GRB10: variants seen among roughly 807,000 people sequenced by gnomAD.
GRB10 encodes growth factor receptor bound protein 10.
A neutral mutation model predicts 80.9 loss-of-function variants in GRB10; 20 were observed. The ratio of observed to expected loss-of-function variants is 0.25; its 90% CI spans 0.17 to 0.36. The LOEUF (loss-of-function observed/expected upper bound fraction) is 0.36. Among genes scored for constraint, GRB10 ranks in the 10% least tolerant of loss-of-function variants. The pLI is 1.00. For synonymous variants in GRB10, 291 were observed against 291.5 expected, an observed-to-expected ratio of 1.00 and a Z score of 0.02; for missense variants, 548 against 747.7, an observed-to-expected ratio of 0.73 and a Z score of 3.12.
At chr7:50,735,939 G>A (rs1270853133) in intron 3 of GRB10, among the ~76,000 whole-genome samples, 2 of 152,104 alleles carry the variant, frequency 1.3e-5, no homozygotes, top group African/African-American at 4.8e-5. Context: ...GACCTGAACA[G>A]CCAAAACAAT....
At chr7:50,615,177 GAAA>G (rs2050362048) in intron 11 of GRB10, among the ~76,000 whole-genome samples, 1 of 152,176 alleles carries the variant, frequency 6.6e-6, no homozygotes, top group Non-Finnish European at 1.5e-5. Context: ...AAAAGCAGGA[GAAA>G]ATCTATAACC....
At chr7:50,624,955 T>C (rs967087860) in intron 8 of GRB10, among the ~76,000 whole-genome samples, 1 of 152,074 alleles carries the variant, frequency 6.6e-6, no homozygotes, top group Admixed American at 6.6e-5. Context: ...CATCGCCCAC[T>C]AGAATGTATT....
chr7:50,633,055 C>T lies in GRB10; in HGVS notation c.505-6077G>A, dbSNP rs149784630. Reference sequence around the variant, plus strand: ...CCCACATCAACAAAGGCCAAAAATTCCACTGCTATTATTGCAACTGCCTCT... The same window carrying T: ...CCCACATCAACAAAGGCCAAAAATTTCACTGCTATTATTGCAACTGCCTCT... On this transcript the variant is annotated intron_variant, in intron 7 of 18. Transcript: ENST00000401949. Among the ~76,000 whole-genome samples, 32 of 152,318 alleles carry T rather than the reference C, an allele frequency of 2.1e-4. 1 individual carries two copies. In the East Asian group the frequency reaches 5.6e-3, roughly 27 times the overall value.
intron 15 of GRB10, chr7:50,604,841 C>A: frequency 3.5e-6 from 1 of 286,604 alleles, no homozygotes; most frequent in Non-Finnish European, 6.6e-6. Flanking sequence ...ACTTAGAAGC[C>A]GAGTGATAGT....
At chr7:50,638,375 G>A (rs188241508) in intron 7 of GRB10, among the ~76,000 whole-genome samples, 117 of 152,148 alleles carry the variant, frequency 7.7e-4, no homozygotes, top group African/African-American at 2.6e-3. Context: ...AATCTAAAAC[G>A]AACTCAAACA....
At chr7:50,777,406 C>T (rs976075144) in intron 2 of GRB10, among the ~76,000 whole-genome samples, 29 of 143,642 alleles carry the variant, frequency 2.0e-4, no homozygotes, top group Non-Finnish European at 4.6e-5. Context: ...TTGGGTGATA[C>T]ATTCAGACCA....
intron 5 of GRB10, among the ~76,000 whole-genome samples, chr7:50,702,836 T>C (rs1202128095): frequency 1.3e-5 from 2 of 152,240 alleles, no homozygotes; most frequent in Non-Finnish European, 2.9e-5. Flanking sequence ...GTTCTTTCAG[T>C]GTAATTTTTT....
At position 50,626,875 on chromosome 7, in the gene GRB10, C is replaced by T; in HGVS notation, c.608G>A (p.Cys203Tyr). ...LCQLLVYKSH[C>Y]VDDNSWTLVE... is the part of the protein sequence containing the mutation. ...TAGTGTCCAGCTGTTGTCATCCACA[C>T]AGTGACTTTTGTAAACCAGCAATTG... The change falls in exon 8 of 19, where the codon TGT (cysteine) becomes TAT (tyrosine). Residue 203 changes from cysteine (C) to tyrosine (Y), a missense_variant. Physicochemically the swap from Cys to Tyr is radical, Grantham distance 194. Around this residue, in one of 4 missense-constraint regions of GRB10, gnomAD observed 270 missense variants for 433.6 expected, o/e 0.62. Coordinates refer to ENST00000401949, the MANE Select transcript of GRB10 (RefSeq NM_001350814.2). The T allele has an allele frequency of 6.2e-7, 1 of 1,614,176 alleles. No individual in the cohort carries two copies. The highest frequency in any genetic ancestry group is 8.5e-7 in the Non-Finnish European group (1 of 1,180,038).
At position 50,755,679 on chromosome 7, in the gene GRB10, C is replaced by T. The variant is rs540212941; in HGVS notation, c.-47+208G>A. ...CCTCCCATCCCTACCCGACTCAGCC[C>T]GGTGTTCCCAGGCAGAGCCGAGCCA... On this transcript the variant is annotated intron_variant, in intron 3 of 18. Transcript: ENST00000401949. Among the ~76,000 whole-genome samples the T allele has an allele frequency of 1.2e-4, 18 of 152,266 alleles. No homozygotes were observed. In the East Asian group the frequency reaches 1.5e-3, roughly 13 times the overall value.
chr7:50,596,701 A>G (rs2046715799), intron 17 of GRB10, among the ~76,000 whole-genome samples: 1 of 152,032 alleles, frequency 6.6e-6, no homozygotes, highest in Non-Finnish European at 1.5e-5. Flanking sequence ...GCCACAACTT[A>G]CTCCTAAACG....
chr7:50,697,566 T>C (rs2063595762), intron 5 of GRB10, among the ~76,000 whole-genome samples: 1 of 152,194 alleles, frequency 6.6e-6, no homozygotes, highest in South Asian at 2.1e-4. Flanking sequence ...ATTCTAAACA[T>C]CAGGTTCCAT....
At chr7:50,647,654 G>A (rs1274364875) in intron 7 of GRB10, among the ~76,000 whole-genome samples, 1 of 152,230 alleles carries the variant, frequency 6.6e-6, no homozygotes, top group Non-Finnish European at 1.5e-5. Context: ...TGGCTAAGAA[G>A]GTCCTCAAAG....
rs554492427 is a variant in GRB10, at chr7:50,627,419, C to T, written c.505-441G>A. On this transcript the variant is annotated intron_variant, in intron 7 of 18. Coordinates refer to ENST00000401949, the MANE Select transcript of GRB10 (RefSeq NM_001350814.2). ...CTTCCCATCATAACCTTTGACGAGT[C>T]GACCTGTTCTCCCAGGGCACAGGGT... Among the ~76,000 whole-genome samples, 23 of 152,282 alleles carry T rather than the reference C, an allele frequency of 1.5e-4. No individual in the cohort carries two copies. The South Asian group carries it at 1.7e-3, about 11-fold the overall frequency.
intron 7 of GRB10, among the ~76,000 whole-genome samples, chr7:50,639,168 C>T (rs747451122): frequency 5.9e-5 from 9 of 152,086 alleles, no homozygotes; most frequent in Non-Finnish European, 1.0e-4. Flanking sequence ...GTGATGGGTA[C>T]AGTAGAAACT....
intron 4 of GRB10, among the ~76,000 whole-genome samples, chr7:50,727,390 C>T (rs1349767545): frequency 6.6e-6 from 1 of 152,226 alleles, no homozygotes. Flanking sequence ...GGGTTGACAT[C>T]TTGTTCACCT....
chr7:50,771,314 G>C (rs2076956009), intron 2 of GRB10, among the ~76,000 whole-genome samples: 1 of 152,274 alleles, frequency 6.6e-6, no homozygotes, highest in Non-Finnish European at 1.5e-5. Context: ...GTTTGAAGTA[G>C]GGGGTCCCAG....
At chr7:50,634,356 A>C (rs757862841) in intron 7 of GRB10, among the ~76,000 whole-genome samples, 1 of 152,228 alleles carries the variant, frequency 6.6e-6, no homozygotes, top group Non-Finnish European at 1.5e-5. Flanking sequence ...GGAATTTGCC[A>C]CTACTAGACA....
chr7:50,638,269 C>G (rs1367852331), intron 7 of GRB10, among the ~76,000 whole-genome samples: 1 of 152,136 alleles, frequency 6.6e-6, no homozygotes, highest in Non-Finnish European at 1.5e-5. Context: ...TAAAAATAGA[C>G]AAGTGGGACT....
chr7:50,671,298 AT>A (rs2060328403), intron 6 of GRB10, among the ~76,000 whole-genome samples: 1 of 152,080 alleles, frequency 6.6e-6, no homozygotes, highest in Admixed American at 6.5e-5. Context: ...TCCTCAAGTA[AT>A]TTTTTTGACA....
Sources: allele counts gnomAD v4.1 joint callset (sites outside exome capture counted in the v4.1 genomes callset), GRCh38; gene constraint gnomAD v4.1.1; regional missense constraint gnomAD v4.1.1; transcripts MANE v1.5; gene names NCBI Gene and HGNC (gene_info 2026-07-23, HGNC 2026-07-21).